The following MACROD2 variants were observed in gnomAD, a reference collection of about 807,000 sequenced individuals.
The protein encoded by MACROD2 is mono-ADP ribosylhydrolase 2, also known as ADP-ribose glycohydrolase MACROD2.
Under a neutral mutation model 70.4 loss-of-function variants are expected in MACROD2, and 36 were observed. The ratio of observed to expected loss-of-function variants is 0.51; its 90% CI spans 0.39 to 0.68. MACROD2 has a LOEUF of 0.68. Ranked by LOEUF, MACROD2 falls within the 30% of genes least tolerant of loss-of-function variation. MACROD2 has a pLI of 0.00. For synonymous variants in MACROD2, 172 were observed against 178.8 expected (o/e 0.96, Z 0.30); for missense variants, 496 against 538.4 (o/e 0.92, Z 0.78).
chr20:14,271,586 C>G (rs1036559356), intron 3 of MACROD2, among the ~76,000 whole-genome samples: 3 of 152,142 alleles, frequency 2.0e-5, no homozygotes, highest in African/African-American at 4.8e-5. Flanking sequence ...AAACAGAGCG[C>G]CTTTCCTCCT....
In MACROD2 at chr20:14,085,721, C is replaced by A; in HGVS notation, c.264C>A (p.Val88=). 1 of 1,520,714 alleles carries A rather than the reference C, an allele frequency of 6.6e-7. No homozygotes were observed. The highest frequency in any genetic ancestry group is 8.8e-7 in the Non-Finnish European group (1 of 1,132,650). 94.2% of individuals were successfully genotyped at this position (1,520,714 alleles called of 1,614,324 possible). A position where few individuals can be genotyped will look rare whatever the true frequency, so the allele number is the denominator to read the frequency against. ...CATTGCTAGAGGTAGATGCTATAGT[C>A]AATGCCGGTGAGTAGTTGATTTTCC... The part of the protein sequence containing the change: ...DITLLEVDAI[V]NAANASLLGG... The change falls in exon 3 of 18, where the codon GTC becomes GTA. Residue 88 remains valine (V), a synonymous_variant. Coordinates refer to ENST00000684519, the MANE Select transcript of MACROD2 (RefSeq NM_001351661.2).
intron 3 of MACROD2, among the ~76,000 whole-genome samples, chr20:14,354,600 G>A (rs910098330): frequency 1.3e-5 from 2 of 151,978 alleles, no homozygotes; most frequent in African/African-American, 4.8e-5. Flanking sequence ...ATGTAGAATT[G>A]GGTCTTTTTC....
intron 4 of MACROD2, among the ~76,000 whole-genome samples, chr20:14,675,640 C>T (rs1301864246): frequency 6.6e-6 from 1 of 152,134 alleles, no homozygotes; most frequent in African/African-American, 2.4e-5. Flanking sequence ...GAAGAAACTG[C>T]ATCAACAAAT....
intron 2 of MACROD2, among the ~76,000 whole-genome samples, chr20:14,074,934 T>A (rs1418187140): frequency 6.6e-6 from 1 of 152,212 alleles, no homozygotes; most frequent in African/African-American, 2.4e-5. Flanking sequence ...GGGAAGTGAA[T>A]CATCCTTTTT....
chr20:14,156,428 C>T, intron 3 of MACROD2, among the ~76,000 whole-genome samples: 1 of 152,178 alleles, frequency 6.6e-6, no homozygotes, highest in East Asian at 1.9e-4. Flanking sequence ...ATCTTCATTT[C>T]CTCCAGGCTA....
intron 4 of MACROD2, among the ~76,000 whole-genome samples, chr20:14,675,745 A>T (rs2070852470): frequency 6.6e-6 from 1 of 152,120 alleles, no homozygotes; most frequent in Admixed American, 6.6e-5. Context: ...CCCCAATTAA[A>T]AGACACAGGC....
intron 3 of MACROD2, among the ~76,000 whole-genome samples, chr20:14,445,972 G>T (rs1839024716): frequency 6.6e-6 from 1 of 151,852 alleles, no homozygotes; most frequent in South Asian, 2.1e-4. Context: ...TATTATTGAG[G>T]GATGTTTTAT....
intron 6 of MACROD2, chr20:15,280,895 A>G (rs550087519): frequency 1.3e-5 from 2 of 152,220 alleles, no homozygotes; most frequent in Non-Finnish European, 1.5e-5. Context: ...TCATGCTGCT[A>G]TAAAGCAATA....
Position 15,096,548 on chromosome 20 carries a change from G to GTC in MACROD2, c.419-133391_419-133390dup, listed in dbSNP as rs2075834077. 3.4e-5 allele frequency among the ~76,000 whole-genome samples: 5 copies of GTC among 146,410 alleles called. 1 individual carries two copies. Among genetic ancestry groups the GTC allele is most frequent in the Middle Eastern group, 3.8e-3 (1 of 264 alleles). On this transcript the variant is annotated intron_variant, in intron 5 of 17. Coordinates refer to ENST00000684519, the MANE Select transcript of MACROD2 (RefSeq NM_001351661.2). ...TTTGAGACAGAGTCTTGCTCACTCT[G>GTC]TCGCCCAGGCTGGAGTACAGTGGCG...
At chr20:15,229,327 C>T (rs6074859) in intron 5 of MACROD2, among the ~76,000 whole-genome samples, 1 of 152,084 alleles carries the variant, frequency 6.6e-6, no homozygotes, top group Non-Finnish European at 1.5e-5. Context: ...AACTATTAAC[C>T]TATTAAAATA....
chr20:14,209,493 A>G (rs1338788137), intron 3 of MACROD2, among the ~76,000 whole-genome samples: 8 of 152,180 alleles, frequency 5.3e-5, no homozygotes, highest in Non-Finnish European at 2.9e-5. Flanking sequence ...TTTTCATGTG[A>G]TATAACATGT....
chr20:15,629,929 G>C (rs1046995080), intron 8 of MACROD2, among the ~76,000 whole-genome samples: 3 of 152,186 alleles, frequency 2.0e-5, no homozygotes, highest in African/African-American at 4.8e-5. Context: ...TTAGCAATGT[G>C]GGAATGGTCA....
chr20:14,246,347 GTAT>G, intron 3 of MACROD2, among the ~76,000 whole-genome samples: 1 of 152,228 alleles, frequency 6.6e-6, no homozygotes. Flanking sequence ...TAGTATTGGA[GTAT>G]TAGATCAGGA....
intron 4 of MACROD2, among the ~76,000 whole-genome samples, chr20:14,653,016 C>G (rs546870703): frequency 7.2e-5 from 11 of 152,054 alleles, no homozygotes; most frequent in African/African-American, 2.7e-4. Flanking sequence ...CCGTGTATAC[C>G]CTTGGTTAAG....
chr20:15,306,818 T>C (rs547079021), intron 6 of MACROD2, among the ~76,000 whole-genome samples: 1 of 152,248 alleles, frequency 6.6e-6, no homozygotes, highest in South Asian at 2.1e-4. Context: ...TAGTCCATGT[T>C]GTGTTGCTAT....
chr20:14,403,727 G>A (rs1259207688), intron 3 of MACROD2, among the ~76,000 whole-genome samples: 2 of 152,110 alleles, frequency 1.3e-5, no homozygotes, highest in African/African-American at 4.8e-5. Flanking sequence ...TGAGAATTTA[G>A]TTTACAGTAG....
intron 5 of MACROD2, among the ~76,000 whole-genome samples, chr20:15,093,465 C>T (rs967768997): frequency 3.3e-5 from 5 of 151,950 alleles, no homozygotes; most frequent in African/African-American, 1.2e-4. Flanking sequence ...GCCTTGTTAG[C>T]GTGTTTCATT....
chr20:15,337,588 A>G (rs1476400302), intron 6 of MACROD2, among the ~76,000 whole-genome samples: 2 of 151,806 alleles, frequency 1.3e-5, no homozygotes, highest in Admixed American at 6.6e-5. Flanking sequence ...GAATGCATAC[A>G]TTACCACACA....
At chr20:14,101,348 A>G (rs2054300299) in intron 3 of MACROD2, among the ~76,000 whole-genome samples, 1 of 152,112 alleles carries the variant, frequency 6.6e-6, no homozygotes, top group Non-Finnish European at 1.5e-5. Flanking sequence ...AGATAAAATG[A>G]TGAGAAAAAC....
Sources: allele counts gnomAD v4.1 joint callset (sites outside exome capture counted in the v4.1 genomes callset), GRCh38; gene constraint gnomAD v4.1.1; transcripts MANE v1.5; gene names NCBI Gene and HGNC (gene_info 2026-07-23, HGNC 2026-07-21).